The following TIAM1 variants were observed in gnomAD, a reference collection of about 807,000 sequenced individuals.
The protein encoded by TIAM1 is TIAM Rac1 associated GEF 1, also known as rho guanine nucleotide exchange factor TIAM1.
A neutral mutation model predicts 163.5 loss-of-function variants in TIAM1; 65 were observed. The observed-to-expected ratio is 0.40, with a 90% CI of 0.33 to 0.49. The LOEUF (loss-of-function observed/expected upper bound fraction) is 0.49, where lower values mean the gene tolerates loss of function less well. Ranked by LOEUF, TIAM1 falls within the 20% of genes least tolerant of loss-of-function variation. The pLI, the probability that TIAM1 is intolerant of heterozygous loss-of-function variation, is 0.77. For synonymous variants in TIAM1, 833 were observed against 810.1 expected (o/e 1.03, Z -0.48); for missense variants, 1,789 against 2,044.7 (o/e 0.87, Z 2.41).
intron 8 of TIAM1, among the ~76,000 whole-genome samples, chr21:31,220,980 T>C (rs1406282543): frequency 6.6e-6 from 1 of 152,146 alleles, no homozygotes. Flanking sequence ...CTACTTCAAT[T>C]GTAGCTCCCC....
chr21:31,535,967 G>A (rs1444985181), intron 1 of TIAM1, among the ~76,000 whole-genome samples: 2 of 152,192 alleles, frequency 1.3e-5, no homozygotes, highest in African/African-American at 2.4e-5. Context: ...CAGATGAATG[G>A]AAGACGATGG....
chr21:31,429,687 C>T (rs1307162168), intron 2 of TIAM1, among the ~76,000 whole-genome samples: 1 of 152,110 alleles, frequency 6.6e-6, no homozygotes, highest in Non-Finnish European at 1.5e-5. Context: ...TGGCTGCAGC[C>T]TCCCACAGTC....
intron 6 of TIAM1, among the ~76,000 whole-genome samples, chr21:31,239,979 G>C (rs1224298003): frequency 6.6e-6 from 1 of 152,194 alleles, no homozygotes; most frequent in East Asian, 1.9e-4. Flanking sequence ...AGGTATATAT[G>C]TTTGTCCAAC....
intron 1 of TIAM1, among the ~76,000 whole-genome samples, chr21:31,486,049 A>T (rs1010766437): frequency 2.0e-5 from 3 of 152,172 alleles, no homozygotes; most frequent in Non-Finnish European, 2.9e-5. Flanking sequence ...AACAAGCTGC[A>T]CACCACTGAG....
intron 2 of TIAM1, among the ~76,000 whole-genome samples, chr21:31,295,054 C>T (rs1209400261): frequency 1.3e-5 from 2 of 152,178 alleles, no homozygotes; most frequent in Non-Finnish European, 2.9e-5. Context: ...GGCTTCCAGA[C>T]CTCCATCTCA....
At chr21:31,479,352 T>C (rs2046032215) in intron 1 of TIAM1, among the ~76,000 whole-genome samples, 1 of 150,842 alleles carries the variant, frequency 6.6e-6, no homozygotes, top group African/African-American at 2.5e-5. Flanking sequence ...GTTATAATTA[T>C]GCATGTGGAT....
At chr21:31,326,135 C>T (rs1402278768) in intron 2 of TIAM1, among the ~76,000 whole-genome samples, 1 of 152,162 alleles carries the variant, frequency 6.6e-6, no homozygotes, top group Non-Finnish European at 1.5e-5. Context: ...TCCCCTCCCG[C>T]AGGTGAGCCA....
chr21:31,508,679 C>T (rs1209464444), intron 1 of TIAM1, among the ~76,000 whole-genome samples: 2 of 152,104 alleles, frequency 1.3e-5, no homozygotes, highest in Non-Finnish European at 1.5e-5. Context: ...CATAAACCAC[C>T]GCGCCCAGAC....
intron 2 of TIAM1, among the ~76,000 whole-genome samples, chr21:31,370,443 T>C (rs1419514373): frequency 6.6e-6 from 1 of 152,176 alleles, no homozygotes; most frequent in Non-Finnish European, 1.5e-5. Flanking sequence ...CTGTGATTCA[T>C]ATACAGACAA....
intron 3 of TIAM1, among the ~76,000 whole-genome samples, chr21:31,275,572 C>A (rs2073261432): frequency 6.6e-6 from 1 of 152,202 alleles, no homozygotes; most frequent in South Asian, 2.1e-4. Flanking sequence ...GTTATTTGTA[C>A]ACTGGCACAT....
intron 2 of TIAM1, among the ~76,000 whole-genome samples, chr21:31,423,352 C>A (rs912528424): frequency 1.3e-5 from 2 of 152,056 alleles, no homozygotes; most frequent in African/African-American, 4.8e-5. Context: ...CTCGCCTCGG[C>A]CTCCCAAAGC....
intron 2 of TIAM1, among the ~76,000 whole-genome samples, chr21:31,440,090 G>T (rs2044365036): frequency 6.6e-6 from 1 of 152,122 alleles, no homozygotes; most frequent in Non-Finnish European, 1.5e-5. Context: ...TTGTTAAGAT[G>T]AAGAAATAAG....
intron 25 of TIAM1, among the ~76,000 whole-genome samples, chr21:31,128,704 C>G (rs746672643): frequency 6.6e-6 from 1 of 152,156 alleles, no homozygotes; most frequent in African/African-American, 2.4e-5. Flanking sequence ...AAAGGGCATC[C>G]GGCAAATCTC....
chr21:31,126,670 G>A (rs1892674), intron 26 of TIAM1, among the ~76,000 whole-genome samples: 99,892 of 151,986 alleles, frequency 0.66, 34,284 homozygotes, highest in African/African-American at 0.87. Context: ...CATCTATCTT[G>A]TATTTTTAGA....
intron 2 of TIAM1, among the ~76,000 whole-genome samples, chr21:31,284,509 A>C (rs1417998730): frequency 2.0e-5 from 3 of 151,910 alleles, no homozygotes; most frequent in Non-Finnish European, 4.4e-5. Flanking sequence ...AGTTCCAGGA[A>C]AGGAATTTTT....
intron 1 of TIAM1, among the ~76,000 whole-genome samples, chr21:31,472,631 C>G (rs576550049): frequency 6.6e-6 from 1 of 152,310 alleles, no homozygotes; most frequent in South Asian, 2.1e-4. Flanking sequence ...GGACCATTAA[C>G]AAAGAGGCCT....
At chr21:31,214,269 G>A (rs1260749911) in intron 9 of TIAM1, among the ~76,000 whole-genome samples, 1 of 151,434 alleles carries the variant, frequency 6.6e-6, no homozygotes, top group East Asian at 2.0e-4. Context: ...AGTTTGCAGC[G>A]AGCTGAGACC....
intron 2 of TIAM1, among the ~76,000 whole-genome samples, chr21:31,305,911 T>C (rs2074692148): frequency 6.6e-6 from 1 of 152,034 alleles, no homozygotes; most frequent in African/African-American, 2.4e-5. Flanking sequence ...CGGGGGTGAC[T>C]GCCATGGTGG....
intron 8 of TIAM1, among the ~76,000 whole-genome samples, chr21:31,222,735 T>G (rs1443379843): frequency 5.5e-5 from 6 of 110,018 alleles, no homozygotes; most frequent in East Asian, 2.7e-4. Flanking sequence ...TTTTTTTTTT[T>G]GAGACAGAGT....
Sources: allele counts gnomAD v4.1 joint callset (sites outside exome capture counted in the v4.1 genomes callset), GRCh38; gene constraint gnomAD v4.1.1; transcripts MANE v1.5; gene names NCBI Gene and HGNC (gene_info 2026-07-23, HGNC 2026-07-21).